TCF12: variants seen among roughly 807,000 people sequenced by gnomAD.
The protein encoded by TCF12 is transcription factor 12, also known as DNA-binding protein HTF4.
TCF12 carries 45 observed loss-of-function variants against 86.0 expected under a neutral mutation model. The observed-to-expected ratio is 0.52, with a 90% CI of 0.41 to 0.67. The LOEUF (loss-of-function observed/expected upper bound fraction) is 0.67, where lower values mean the gene tolerates loss of function less well. Among genes scored for constraint, TCF12 ranks in the 30% least tolerant of loss-of-function variants. TCF12 has a pLI of 0.00. For missense variants in TCF12, 881 were observed against 859.9 expected, an observed-to-expected ratio of 1.02 and a Z score of -0.31; for synonymous variants, 330 against 299.6, an observed-to-expected ratio of 1.10 and a Z score of -1.05.
chr15:57,259,886 G>A (rs1403237043), intron 16 of TCF12, among the ~76,000 whole-genome samples: 2 of 152,180 alleles, frequency 1.3e-5, no homozygotes, highest in Admixed American at 6.5e-5. Context: ...GAGCCCAGGA[G>A]AGCAAGGGTT....
chr15:57,283,599 AT>A (rs2061794912), intron 20 of TCF12, among the ~76,000 whole-genome samples: 1 of 152,186 alleles, frequency 6.6e-6, no homozygotes, highest in Non-Finnish European at 1.5e-5. Flanking sequence ...TTTCAGCAGT[AT>A]GTAGTTTTTT....
At chr15:57,172,185 A>G (rs2055557183) in intron 6 of TCF12, among the ~76,000 whole-genome samples, 1 of 152,222 alleles carries the variant, frequency 6.6e-6, no homozygotes, top group African/African-American at 2.4e-5. Context: ...TGTATCAGAA[A>G]GACATAACAA....
In TCF12 at chr15:57,241,593, T is replaced by C. The variant is rs570749201; in HGVS notation, c.1036-1879T>C. Among the ~76,000 whole-genome samples the C allele has an allele frequency of 5.8e-4, 89 of 152,232 alleles. 1 individual carries two copies. The highest frequency in any genetic ancestry group is 8.8e-4 in the Non-Finnish European group (60 of 68,048). ...GGCATTTACAATTATAAGTTACTAA[T>C]GTCATACAAATTGGCGTATTTTGTT... On this transcript the variant is annotated intron_variant, in intron 12 of 20. Transcript: ENST00000333725.
chr15:57,267,410 C>A (rs1281572308), intron 18 of TCF12, among the ~76,000 whole-genome samples: 1 of 152,138 alleles, frequency 6.6e-6, no homozygotes, highest in Non-Finnish European at 1.5e-5. Flanking sequence ...AATTCAGAGA[C>A]CACTCTTTGG....
chr15:57,279,598 C>T (rs1209043435), intron 19 of TCF12, among the ~76,000 whole-genome samples: 2 of 152,078 alleles, frequency 1.3e-5, no homozygotes, highest in African/African-American at 2.4e-5. Flanking sequence ...TTCTTCCTGC[C>T]AGAAGTGTTC....
intron 3 of TCF12, among the ~76,000 whole-genome samples, chr15:56,934,616 A>G (rs12592486): frequency 6.6e-6 from 1 of 152,184 alleles, no homozygotes; most frequent in African/African-American, 2.4e-5. Context: ...CTGTCTGGGT[A>G]TATAAAATAG....
At chr15:57,269,481 G>A (rs1567023286) in intron 18 of TCF12, among the ~76,000 whole-genome samples, 1 of 143,110 alleles carries the variant, frequency 7.0e-6, no homozygotes, top group East Asian at 2.2e-4. Flanking sequence ...CCTGAATACA[G>A]CACACTGATG....
At chr15:57,174,501 C>T (rs139318665) in intron 6 of TCF12, among the ~76,000 whole-genome samples, 3 of 152,206 alleles carry the variant, frequency 2.0e-5, no homozygotes, top group African/African-American at 4.8e-5. Context: ...ATGTCAGCAC[C>T]AAGGTAATAA....
At chr15:57,195,820 T>G (rs2057234734) in intron 7 of TCF12, among the ~76,000 whole-genome samples, 1 of 152,064 alleles carries the variant, frequency 6.6e-6, no homozygotes, top group African/African-American at 2.4e-5. Flanking sequence ...CTGGGCAACA[T>G]AGTGAAACAC....
intron 5 of TCF12, among the ~76,000 whole-genome samples, chr15:57,129,565 A>G (rs2051947556): frequency 6.6e-6 from 1 of 152,150 alleles, no homozygotes; most frequent in Admixed American, 6.6e-5. Flanking sequence ...ATATATATTG[A>G]GCATAATTTC....
At position 57,075,804 on chromosome 15, in the gene TCF12, T is replaced by TCTCTCTCTC. The variant is rs1567370603; in HGVS notation, c.222+11981_222+11982insCTCTCTCTC. 5.3e-3 allele frequency among the ~76,000 whole-genome samples: 151 copies of TCTCTCTCTC among 28,594 alleles called. 2 individuals are homozygous for TCTCTCTCTC. The highest frequency in any genetic ancestry group is 6.7e-3 in the Non-Finnish European group (105 of 15,558). 18.8% of individuals were successfully genotyped at this position (28,594 alleles called of 152,430 possible). ...TTTCTTTCTTTCTTTCTTTCTTTCTTTCTCTCTCTCTCTCTCTCTCTCTCT... is the reference window on the plus strand; with the variant it reads ...TTTCTTTCTTTCTTTCTTTCTTTCTTCTCTCTCTCTCTCTCTCTCTCTCTCTCTCTCTCT... On this transcript the variant is annotated intron_variant, in intron 4 of 20. Transcript: ENST00000333725.
At chr15:56,982,841 C>G (rs2062960652) in intron 3 of TCF12, among the ~76,000 whole-genome samples, 1 of 152,112 alleles carries the variant, frequency 6.6e-6, no homozygotes, top group African/African-American at 2.4e-5. Flanking sequence ...TCTGTCTTAC[C>G]ATACATTATC....
At chr15:57,124,630 A>G (rs2051496534) in intron 5 of TCF12, among the ~76,000 whole-genome samples, 1 of 152,118 alleles carries the variant, frequency 6.6e-6, no homozygotes, top group Non-Finnish European at 1.5e-5. Context: ...CTGTCAGTGC[A>G]CTAACATTTT....
chr15:57,015,469 C>A (rs2065101356), intron 3 of TCF12, among the ~76,000 whole-genome samples: 1 of 152,150 alleles, frequency 6.6e-6, no homozygotes, highest in African/African-American at 2.4e-5. Flanking sequence ...TTGCCCACCC[C>A]CATTTTTGTA....
chr15:57,029,475 C>A (rs2066017934), intron 3 of TCF12, among the ~76,000 whole-genome samples: 1 of 152,146 alleles, frequency 6.6e-6, no homozygotes, highest in Non-Finnish European at 1.5e-5. Flanking sequence ...ATTGGAATTA[C>A]ATCGATTATT....
At chr15:57,219,257 AT>A (rs1186570229) in intron 8 of TCF12, 10 of 1,171,390 alleles carry the variant, frequency 8.5e-6, no homozygotes, top group East Asian at 3.6e-5. Flanking sequence ...AGTGACTTGC[AT>A]TTTTTTAATA....
At chr15:57,152,675 A>T (rs541994744) in intron 5 of TCF12, among the ~76,000 whole-genome samples, 58 of 152,332 alleles carry the variant, frequency 3.8e-4, no homozygotes, top group African/African-American at 1.4e-3. Context: ...AAAAAATGAA[A>T]AAAGATCAGA....
intron 3 of TCF12, among the ~76,000 whole-genome samples, chr15:56,959,147 C>G (rs899830478): frequency 6.6e-6 from 1 of 152,166 alleles, no homozygotes; most frequent in East Asian, 1.9e-4. Context: ...TTCTTAGGTC[C>G]AACACAGTGT....
intron 19 of TCF12, chr15:57,278,428 A>G (rs2061502512): frequency 6.6e-6 from 1 of 152,152 alleles, no homozygotes; most frequent in African/African-American, 2.4e-5. Context: ...TGGAGCATTC[A>G]GTGGTGGGGT....
Sources: allele counts gnomAD v4.1 joint callset (sites outside exome capture counted in the v4.1 genomes callset), GRCh38; gene constraint gnomAD v4.1.1; transcripts MANE v1.5; gene names NCBI Gene and HGNC (gene_info 2026-07-23, HGNC 2026-07-21).